Variants in GNAQ observed in about 807,000 individuals in gnomAD.
GNAQ encodes the protein guanine nucleotide-binding protein G(q) subunit alpha.
In GNAQ, 8 loss-of-function variants were observed where a neutral mutation model predicts 43.9. That is an observed-to-expected ratio of 0.18 (90% CI 0.11 to 0.33). The LOEUF (loss-of-function observed/expected upper bound fraction) is 0.33. GNAQ is among the 10% of genes least tolerant of loss of function. The pLI is 1.00. For missense variants in GNAQ, 158 were observed against 450.8 expected, an observed-to-expected ratio of 0.35 and a Z score of 5.88; for synonymous variants, 155 against 170.7, an observed-to-expected ratio of 0.91 and a Z score of 0.71.
At chr9:77,862,803 C>A (rs1696956795) in intron 2 of GNAQ, among the ~76,000 whole-genome samples, 1 of 152,174 alleles carries the variant, frequency 6.6e-6, no homozygotes. Flanking sequence ...TATAAATTTT[C>A]TGAACTTTTA....
At chr9:77,881,542 C>A (rs1828207139) in intron 2 of GNAQ, among the ~76,000 whole-genome samples, 1 of 152,142 alleles carries the variant, frequency 6.6e-6, no homozygotes, top group Non-Finnish European at 1.5e-5. Context: ...CCATGCTCAG[C>A]TAATTTTTCT....
intron 2 of GNAQ, among the ~76,000 whole-genome samples, chr9:77,915,827 C>G (rs1048174312): frequency 2.0e-5 from 3 of 152,324 alleles, no homozygotes; most frequent in East Asian, 1.9e-4. Flanking sequence ...GGGCTTGCTT[C>G]TATGGAGAAT....
chr9:77,795,422 C>G (rs139932685), intron 4 of GNAQ, among the ~76,000 whole-genome samples: 108 of 152,220 alleles, frequency 7.1e-4, no homozygotes, highest in Middle Eastern at 3.4e-3. Flanking sequence ...GAATCCGTAT[C>G]TTGAATGAAA....
Position 77,966,109 on chromosome 9 carries a change from C to T in GNAQ, c.137-43764G>A, listed in dbSNP as rs546683146. 3.3e-5 allele frequency among the ~76,000 whole-genome samples: 5 copies of T among 152,040 alleles called. No homozygotes were observed. In the South Asian group the frequency reaches 8.3e-4, roughly 25 times the overall value. On this transcript the variant is annotated intron_variant, in intron 1 of 6. Transcript: ENST00000286548. The stretch of plus-strand genomic sequence containing the variant: ...ACTGTATGTTCCCTCAGGTGTAAAA[C>T]GTAACTAAATACAAGTAAGTCTGCA...
At chr9:77,991,401 T>G (rs567893766) in intron 1 of GNAQ, among the ~76,000 whole-genome samples, 1 of 152,240 alleles carries the variant, frequency 6.6e-6, no homozygotes, top group East Asian at 1.9e-4. Context: ...GTTGGTCACG[T>G]TTCAACAATA....
intron 1 of GNAQ, among the ~76,000 whole-genome samples, chr9:77,962,043 A>T (rs1823112587): frequency 6.6e-6 from 1 of 152,228 alleles, no homozygotes; most frequent in South Asian, 2.1e-4. Context: ...AATGAAAAAT[A>T]CAACAGATAG....
At chr9:77,985,721 G>A (rs552519222) in intron 1 of GNAQ, among the ~76,000 whole-genome samples, 2 of 152,052 alleles carry the variant, frequency 1.3e-5, no homozygotes, top group Admixed American at 1.3e-4. Context: ...TGAGTAGCTG[G>A]GATTACAGGC....
rs551563269 is a variant in GNAQ, at chr9:77,827,393, A to C, written c.322-11623T>G. ...CCATGTTTAAATAACTAAAAAAAAA[A>C]AAAAAAAACTGAGCAACTTGCATTG... On this transcript the variant is annotated intron_variant, in intron 2 of 6. Transcript: ENST00000286548. Among the ~76,000 whole-genome samples, 1,115 of 151,900 alleles carry C rather than the reference A, an allele frequency of 7.3e-3. 21 individuals carry two copies. The highest frequency in any genetic ancestry group is 0.026 in the African/African-American group (1,063 of 41,422).
rs78665893 is a variant in GNAQ at position 77,995,846 on chromosome 9, T to C, written c.136+35254A>G. ...GAGAATTTTCATTTTTAGAATTCAT[T>C]AGACACTTCAGTTTCATAAAATGAA... On this transcript the variant is annotated intron_variant, in intron 1 of 6. Transcript: ENST00000286548. Among the ~76,000 whole-genome samples, 242 of 152,264 alleles carry C rather than the reference T, an allele frequency of 1.6e-3. 2 individuals are homozygous for C. The highest frequency in any genetic ancestry group is 5.0e-3 in the African/African-American group (206 of 41,552).
intron 2 of GNAQ, among the ~76,000 whole-genome samples, chr9:77,854,729 G>C (rs767296894): frequency 6.6e-6 from 1 of 152,126 alleles, no homozygotes; most frequent in Non-Finnish European, 1.5e-5. Flanking sequence ...AACTCTGCTG[G>C]AGCAGTGTAC....
chr9:77,947,686 C>A (rs1822921137), intron 1 of GNAQ, among the ~76,000 whole-genome samples: 1 of 152,208 alleles, frequency 6.6e-6, no homozygotes. Flanking sequence ...TAGAACAGTG[C>A]TTCTGAAGCT....
intron 5 of GNAQ, among the ~76,000 whole-genome samples, chr9:77,757,247 C>T (rs1033689615): frequency 3.3e-5 from 5 of 152,156 alleles, no homozygotes; most frequent in African/African-American, 4.8e-5. Flanking sequence ...CCCATAAGCA[C>T]GACAAACAAG....
intron 5 of GNAQ, among the ~76,000 whole-genome samples, chr9:77,762,427 G>GACCAACA (rs1587904775): frequency 7.7e-6 from 1 of 129,772 alleles, no homozygotes; most frequent in East Asian, 2.4e-4. Context: ...AGGGAGGTGG[G>GACCAACA]GGGGTCAGCC....
intron 1 of GNAQ, among the ~76,000 whole-genome samples, chr9:78,010,512 T>C (rs996473188): frequency 2.0e-5 from 3 of 152,148 alleles, no homozygotes; most frequent in African/African-American, 7.2e-5. Context: ...GGGTGCATGC[T>C]TGGACTTTAA....
At chr9:77,958,639 C>G (rs1006384413) in intron 1 of GNAQ, among the ~76,000 whole-genome samples, 2 of 152,180 alleles carry the variant, frequency 1.3e-5, no homozygotes, top group African/African-American at 4.8e-5. Context: ...ACTGGGCCAT[C>G]ATTTCTTTGC....
intron 1 of GNAQ, among the ~76,000 whole-genome samples, chr9:77,986,019 G>C (rs748546609): frequency 6.6e-6 from 1 of 152,080 alleles, no homozygotes; most frequent in South Asian, 2.1e-4. Flanking sequence ...CAGTCAGAAA[G>C]ATACCCTAAC....
At chr9:77,827,968 G>A (rs551208903) in intron 2 of GNAQ, among the ~76,000 whole-genome samples, 146 of 148,414 alleles carry the variant, frequency 9.8e-4, no homozygotes, top group Non-Finnish European at 1.8e-3. Context: ...GCTGAGGCAG[G>A]AGAATGGCGT....
chr9:77,750,336 A>T (rs1825794094), intron 5 of GNAQ, among the ~76,000 whole-genome samples: 2 of 152,200 alleles, frequency 1.3e-5, no homozygotes, highest in Middle Eastern at 3.2e-3. Context: ...CAAACAAAGC[A>T]TTCTGCCTCT....
chr9:77,845,882 G>A (rs1013056186), intron 2 of GNAQ, among the ~76,000 whole-genome samples: 9 of 152,280 alleles, frequency 5.9e-5, no homozygotes, highest in Admixed American at 2.0e-4. Context: ...AAATGTCACC[G>A]TCAACTAAAG....
Sources: gnomAD v4.1 joint callset for allele counts (sites outside exome capture counted in the v4.1 genomes callset) on GRCh38, gnomAD v4.1.1 for gene constraint, MANE v1.5 for transcripts, NCBI Gene and HGNC (gene_info 2026-07-23, HGNC 2026-07-21) for gene names.